The following RANBP3 variants were observed in gnomAD, a reference collection of about 807,000 sequenced individuals.
The protein encoded by RANBP3 is ran-binding protein 3.
RANBP3 carries 14 observed loss-of-function variants against 77.3 expected under a neutral mutation model. That is an observed-to-expected ratio of 0.18 (90% CI 0.12 to 0.28). The LOEUF (loss-of-function observed/expected upper bound fraction) is 0.28, where lower values mean the gene tolerates loss of function less well. Among genes scored for constraint, RANBP3 ranks in the 10% least tolerant of loss-of-function variants. RANBP3 has a pLI of 1.00. For missense variants in RANBP3, 586 were observed against 752.3 expected, an observed-to-expected ratio of 0.78 and a Z score of 2.59; for synonymous variants, 315 against 312.4, an observed-to-expected ratio of 1.01 and a Z score of -0.09.
At position 5,932,494 on chromosome 19, in the gene RANBP3, C is replaced by A. The variant is rs2058006512; in HGVS notation, c.523G>T (p.Ala175Ser). The change falls in exon 7 of 17, where the codon GCA becomes TCA. Residue 175 changes from alanine to serine, a missense_variant. This residue lies in a region of RANBP3 where 232 missense variants were observed against 271.7 expected (regional missense o/e 0.85). Coordinates refer to ENST00000340578, the MANE Select transcript of RANBP3 (RefSeq NM_007322.3). ...TTTGGCTGCGGAGCTTGTAACACTG[C>A]CGGGCGAAGCACGCTCCGCTGCTGC... ...KEQQRSVLRP[A>S]VLQAPQPKAL... is the part of the protein sequence containing the mutation. The A allele has an allele frequency of 6.2e-7, 1 of 1,613,760 alleles. No homozygotes were observed. Among genetic ancestry groups the A allele is most frequent in the South Asian group, 1.1e-5 (1 of 91,090 alleles).
intron 2 of RANBP3, among the ~76,000 whole-genome samples, chr19:5,953,974 G>A (rs150891447): frequency 2.6e-5 from 4 of 152,292 alleles, no homozygotes; most frequent in South Asian, 2.1e-4. Flanking sequence ...CGCAGGCCAC[G>A]GTCCCAATCC....
At chr19:5,969,172 G>A (rs975760036) in intron 1 of RANBP3, among the ~76,000 whole-genome samples, 1 of 152,210 alleles carries the variant, frequency 6.6e-6, no homozygotes, top group African/African-American at 2.4e-5. Flanking sequence ...AGGCCATGCT[G>A]ACAAATCTGG....
chr19:5,933,928 GT>G (rs1428203547), intron 5 of RANBP3: 1 of 154,364 alleles, frequency 6.5e-6, no homozygotes, highest in Non-Finnish European at 1.4e-5. Flanking sequence ...CACTACAGAT[GT>G]CTGGGAAGTG....
Position 5,917,596 on chromosome 19 carries a change from C to T in RANBP3, c.*14G>A, listed in dbSNP as rs762298495. ...ACAAAGCAGCAGCCTGGTGTGCAGC[C>T]GGGCTCCCGGCCGCTATGTGCTCCC... On this transcript the variant is annotated 3_prime_UTR_variant, in exon 17 of 17. Transcript: ENST00000340578. 53 of 1,586,986 alleles carry T rather than the reference C, an allele frequency of 3.3e-5. No homozygotes were observed. The highest frequency in any genetic ancestry group is 2.2e-4 in the Middle Eastern group (1 of 4,578).
chr19:5,937,292 C>A (rs905998708), intron 5 of RANBP3, among the ~76,000 whole-genome samples: 7 of 152,018 alleles, frequency 4.6e-5, no homozygotes, highest in Admixed American at 3.9e-4. Context: ...GCACGGCCAC[C>A]CCGTGCTGGT....
intron 10 of RANBP3, 34 bp downstream of exon 10, chr19:5,925,600 A>G: frequency 6.3e-7 from 1 of 1,592,394 alleles, no homozygotes. Flanking sequence ...CTGCATCGCC[A>G]TGCCAGGCTG....
intron 2 of RANBP3, among the ~76,000 whole-genome samples, chr19:5,957,272 AG>A (rs1321087799): frequency 1.3e-5 from 2 of 152,230 alleles, no homozygotes; most frequent in African/African-American, 4.8e-5. Flanking sequence ...GTCTTATCAC[AG>A]AACCCTGTTG....
chr19:5,935,522 G>A (rs2058052190), intron 5 of RANBP3, among the ~76,000 whole-genome samples: 1 of 152,260 alleles, frequency 6.6e-6, no homozygotes, highest in Non-Finnish European at 1.5e-5. Flanking sequence ...TTTTTAGCAA[G>A]CTCTTCAAGC....
At chr19:5,945,663 C>T (rs373439348) in intron 3 of RANBP3, among the ~76,000 whole-genome samples, 180 of 152,262 alleles carry the variant, frequency 1.2e-3, no homozygotes, top group African/African-American at 4.3e-3. Flanking sequence ...ACGGTTGACT[C>T]GACTATTTCT....
chr19:5,918,123 C>T (rs752620899), intron 15 of RANBP3, 143 bp from the exon 16 acceptor site: 153 of 950,224 alleles, frequency 1.6e-4, no homozygotes, highest in Non-Finnish European at 2.1e-4. Context: ...CTGGGCCTGC[C>T]GGCCTCTCCC....
Position 5,931,449 on chromosome 19 carries a change from T to A in RANBP3, c.648A>T (p.Ala216=). 6.2e-7 allele frequency: 1 copy of A among 1,613,024 alleles called. No homozygotes were observed. The highest frequency in any genetic ancestry group is 1.1e-5 in the South Asian group (1 of 91,050). ...AVPAASPDTA[A]WRSPSEAADE... ...CGGCAGCTTCGGAAGGACTTCTCCA[T>A]GCAGCAGTGTCAGGGGATGCTGCGG... is the stretch of plus-strand genomic sequence containing the variant. The change falls in exon 8 of 17, where the codon GCA becomes GCT. Residue 216 remains alanine, a synonymous_variant. Coordinates refer to ENST00000340578, the MANE Select transcript of RANBP3 (RefSeq NM_007322.3).
At chr19:5,962,809 C>T in intron 1 of RANBP3, 1 of 453,816 alleles carries the variant, frequency 2.2e-6, no homozygotes, top group South Asian at 1.6e-5. Context: ...AGACAAGACA[C>T]ACAAGCCCCA....
Position 5,978,138 on chromosome 19 carries a change from T to C in RANBP3, c.-56A>G, listed in dbSNP as rs1348363605. On this transcript the variant is annotated 5_prime_UTR_variant, in exon 1 of 17. Transcript: ENST00000340578. ...CGCGCCGGCCCAGGCTCGCCTGCTT[T>C]CTGCCAGAAACTCCCGCGCGTGCGC... The C allele has an allele frequency of 1.9e-6, 3 of 1,585,940 alleles. No homozygotes were observed. The highest frequency in any genetic ancestry group is 2.6e-6 in the Non-Finnish European group (3 of 1,168,610).
At chr19:5,947,290 G>A (rs1873872757) in intron 3 of RANBP3, among the ~76,000 whole-genome samples, 1 of 149,812 alleles carries the variant, frequency 6.7e-6, no homozygotes, top group South Asian at 2.1e-4. Context: ...CTTCAGCCTG[G>A]GCAACAGAGG....
intron 9 of RANBP3, among the ~76,000 whole-genome samples, chr19:5,927,462 T>C (rs1599729474): frequency 1.3e-5 from 2 of 152,324 alleles, no homozygotes; most frequent in South Asian, 4.1e-4. Context: ...CATTTGTGGT[T>C]GTCAGATGTC....
chr19:5,923,087 T>C (rs2057847074), intron 13 of RANBP3, 107 bp downstream of exon 13: 3 of 882,646 alleles, frequency 3.4e-6, no homozygotes, highest in Non-Finnish European at 5.4e-6. Context: ...CCCTCCGTCA[T>C]CTCAGGGGCA....
chr19:5,923,538 C>A (rs1206474358), intron 12 of RANBP3, among the ~76,000 whole-genome samples: 1 of 152,156 alleles, frequency 6.6e-6, no homozygotes, highest in Non-Finnish European at 1.5e-5. Context: ...GTGTTCGTGC[C>A]GAGCAGTCGA....
intron 1 of RANBP3, among the ~76,000 whole-genome samples, chr19:5,963,102 G>C (rs2058423802): frequency 6.6e-6 from 1 of 152,178 alleles, no homozygotes; most frequent in East Asian, 1.9e-4. Context: ...ATTAAAATAG[G>C]AGTCAAATGC....
At chr19:5,960,712 T>C (rs1440652263) in intron 1 of RANBP3, among the ~76,000 whole-genome samples, 1 of 152,080 alleles carries the variant, frequency 6.6e-6, no homozygotes, top group Non-Finnish European at 1.5e-5. Context: ...GCGCTGGTGT[T>C]GAGAACCGTG....
Sources: gnomAD v4.1 joint callset for allele counts (sites outside exome capture counted in the v4.1 genomes callset) on GRCh38, gnomAD v4.1.1 for gene constraint, gnomAD v4.1.1 regional missense constraint, MANE v1.5 for transcripts, NCBI Gene and HGNC (gene_info 2026-07-23, HGNC 2026-07-21) for gene names.